OSBPL8: variants seen among roughly 807,000 people sequenced by gnomAD.
OSBPL8 encodes the protein oxysterol binding protein like 8.
In OSBPL8, 59 loss-of-function variants were observed where a neutral mutation model predicts 125.5. The observed-to-expected ratio is 0.47, with a 90% CI of 0.38 to 0.58. OSBPL8 has a LOEUF of 0.58. OSBPL8 is among the 20% of genes least tolerant of loss of function. OSBPL8 has a pLI of 0.00. For missense variants in OSBPL8, 758 were observed against 1,047.8 expected (o/e 0.72, Z 3.82); for synonymous variants, 330 against 338.9 (o/e 0.97, Z 0.29).
chr12:76,406,168 G>C (rs1284259993), intron 5 of OSBPL8, among the ~76,000 whole-genome samples: 2 of 152,102 alleles, frequency 1.3e-5, no homozygotes, highest in African/African-American at 2.4e-5. Flanking sequence ...CTGACCTTTA[G>C]AGATTTAAAT....
intron 16 of OSBPL8, among the ~76,000 whole-genome samples, chr12:76,375,993 T>C (rs1400988019): frequency 6.6e-6 from 1 of 152,206 alleles, no homozygotes; most frequent in Non-Finnish European, 1.5e-5. Context: ...ATTAATGTTA[T>C]AATTACATCA....
At chr12:76,410,022 G>A (rs750452297) in intron 5 of OSBPL8, among the ~76,000 whole-genome samples, 16 of 151,392 alleles carry the variant, frequency 1.1e-4, no homozygotes, top group Non-Finnish European at 2.2e-4. Flanking sequence ...GCATCACATG[G>A]CGTTTCTCAA....
intron 4 of OSBPL8, among the ~76,000 whole-genome samples, chr12:76,449,613 G>A (rs1873134272): frequency 6.6e-6 from 1 of 152,056 alleles, no homozygotes; most frequent in Non-Finnish European, 1.5e-5. Flanking sequence ...TGTCCTTGAT[G>A]AAGAAGTAAA....
chr12:76,459,958 C>T, intron 2 of OSBPL8, 63 bp from the exon 3 acceptor site: 1 of 1,535,978 alleles, frequency 6.5e-7, no homozygotes, highest in Non-Finnish European at 9.0e-7. Flanking sequence ...AAGCAAAATG[C>T]ATCAGGACGG....
chr12:76,424,241 T>C (rs1869869187), intron 4 of OSBPL8, among the ~76,000 whole-genome samples: 1 of 152,170 alleles, frequency 6.6e-6, no homozygotes, highest in Non-Finnish European at 1.5e-5. Flanking sequence ...CCTCAGGTGA[T>C]CCACCCACCT....
chr12:76,438,303 C>CT (rs1011776823), intron 4 of OSBPL8, among the ~76,000 whole-genome samples: 9,515 of 130,624 alleles, frequency 0.073, 758 homozygotes, highest in African/African-American at 0.19. Context: ...TTCTTAATAA[C>CT]TTTTTTTTTT....
intron 2 of OSBPL8, among the ~76,000 whole-genome samples, chr12:76,461,992 T>A (rs1051668889): frequency 1.3e-5 from 2 of 152,236 alleles, no homozygotes; most frequent in Non-Finnish European, 2.9e-5. Context: ...ACTTTACAAA[T>A]GCTTCATAGA....
At chr12:76,380,218 G>A (rs745627057) in intron 15 of OSBPL8, among the ~76,000 whole-genome samples, 3 of 151,976 alleles carry the variant, frequency 2.0e-5, no homozygotes, top group Non-Finnish European at 4.4e-5. Context: ...CTCAATTAAG[G>A]GAGCTCTATT....
intron 21 of OSBPL8, among the ~76,000 whole-genome samples, chr12:76,361,586 A>G (rs971959654): frequency 4.6e-5 from 7 of 152,236 alleles, no homozygotes; most frequent in African/African-American, 1.7e-4. Context: ...CTGCTGATAA[A>G]GACATACCCG....
At position 76,392,647 on chromosome 12, in the gene OSBPL8, T is replaced by C; in HGVS notation, c.863A>G (p.Asp288Gly). 6.2e-7 allele frequency: 1 copy of C among 1,614,096 alleles called. No individual in the cohort carries two copies. Among genetic ancestry groups the C allele is most frequent in the Non-Finnish European group, 8.5e-7 (1 of 1,179,940 alleles). The change falls in exon 10 of 24, where the codon GAT (aspartate) becomes GGT (glycine). Residue 288 changes from aspartate to glycine, a missense_variant. Transcript: ENST00000261183. Reference sequence around the variant, plus strand: ...GCCATAGAAAGTCACATGTGTGCTATCTGATGAAACGCTCAGGTCATGTTC... The same window carrying C: ...GCCATAGAAAGTCACATGTGTGCTACCTGATGAAACGCTCAGGTCATGTTC... ...GKEHDLSVSS[D>G]STHVTFYGLL...
intron 4 of OSBPL8, among the ~76,000 whole-genome samples, chr12:76,416,875 C>A (rs1659163366): frequency 6.6e-6 from 1 of 152,028 alleles, no homozygotes; most frequent in Non-Finnish European, 1.5e-5. Context: ...ATCTTGTCTT[C>A]TATTTATTAT....
intron 2 of OSBPL8, 33 bp downstream of exon 2, chr12:76,487,477 T>C: frequency 2.5e-5 from 39 of 1,563,778 alleles, no homozygotes; most frequent in Non-Finnish European, 3.4e-5. Flanking sequence ...CAGTTACAGA[T>C]GATAGAACCT....
At chr12:76,384,403 T>A in intron 14 of OSBPL8, 53 bp from the exon 15 acceptor site, 1 of 1,015,102 alleles carries the variant, frequency 9.9e-7, no homozygotes, top group South Asian at 2.3e-5. Flanking sequence ...CATGTTTATA[T>A]AAAATATAAA....
chr12:76,556,855 G>A (rs939794538), intron 1 of OSBPL8, among the ~76,000 whole-genome samples: 5 of 152,010 alleles, frequency 3.3e-5, no homozygotes, highest in African/African-American at 7.3e-5. Flanking sequence ...TAGTAGAGAC[G>A]GGGTTTCACC....
chr12:76,372,385 G>T (rs2369128), intron 18 of OSBPL8, among the ~76,000 whole-genome samples: 120,407 of 152,004 alleles, frequency 0.79, 47,928 homozygotes, highest in East Asian at 0.92. Context: ...TTATTTTTAT[G>T]TTTAGTAGAG....
intron 4 of OSBPL8, among the ~76,000 whole-genome samples, chr12:76,425,892 T>C (rs1293251845): frequency 2.0e-5 from 3 of 152,218 alleles, no homozygotes; most frequent in Admixed American, 6.5e-5. Context: ...TCTTGCCGAA[T>C]GCTTTCTTCA....
intron 3 of OSBPL8, among the ~76,000 whole-genome samples, chr12:76,457,262 C>T (rs1002073542): frequency 7.9e-5 from 12 of 151,996 alleles, no homozygotes; most frequent in Non-Finnish European, 1.5e-4. Context: ...TATGTAGTTA[C>T]GATTTAATAT....
intron 4 of OSBPL8, among the ~76,000 whole-genome samples, chr12:76,447,527 AG>A (rs1283471756): frequency 6.6e-6 from 1 of 152,096 alleles, no homozygotes; most frequent in Non-Finnish European, 1.5e-5. Flanking sequence ...AACACTCTAC[AG>A]GACACTGGCC....
At chr12:76,404,255 T>G (rs1302986191) in intron 5 of OSBPL8, among the ~76,000 whole-genome samples, 1 of 152,222 alleles carries the variant, frequency 6.6e-6, no homozygotes. Flanking sequence ...GCATGGCTAT[T>G]GTCAGAAGAA....
Sources: gnomAD v4.1 joint callset for allele counts (sites outside exome capture counted in the v4.1 genomes callset) on GRCh38, gnomAD v4.1.1 for gene constraint, MANE v1.5 for transcripts, NCBI Gene and HGNC (gene_info 2026-07-23, HGNC 2026-07-21) for gene names.